The following BCAM variants were observed in gnomAD, a reference collection of about 807,000 sequenced individuals.
BCAM encodes basal cell adhesion molecule (Lutheran blood group), also known as basal cell adhesion molecule.
BCAM carries 61 observed loss-of-function variants against 72.4 expected under a neutral mutation model. The ratio of observed to expected loss-of-function variants is 0.84; its 90% confidence interval spans 0.69 to 1.04. The LOEUF (loss-of-function observed/expected upper bound fraction) is 1.04, where lower values mean the gene tolerates loss of function less well. Ranked by LOEUF, BCAM falls within the 50% of genes least tolerant of loss-of-function variation. BCAM has a pLI of 0.00. For missense variants in BCAM, 909 were observed against 895.0 expected, an observed-to-expected ratio of 1.02 and a Z score of -0.20; for synonymous variants, 408 against 384.2, an observed-to-expected ratio of 1.06 and a Z score of -0.73.
chr19:44,818,729 T>C lies in BCAM; in HGVS notation c.1195-12T>C. 1.2e-6 allele frequency: 2 copies of C among 1,613,850 alleles called. No individual in the cohort carries two copies. The highest frequency in any genetic ancestry group is 1.7e-6 in the Non-Finnish European group (2 of 1,179,876). On this transcript the variant is annotated splice_polypyrimidine_tract_variant and intron_variant, in intron 9 of 14. Coordinates refer to ENST00000270233, the MANE Select transcript of BCAM (RefSeq NM_005581.5). This position sits in a 1 kb window ranked among gnomAD's most constrained non-coding sequence, Gnocchi z 4.6. Reference sequence around the variant, plus strand: ...CTCTCACAGCGTCCTCCTCCTCCTCTGCCCTTCCCAGGACTCCACTCCCCT... The same window carrying C: ...CTCTCACAGCGTCCTCCTCCTCCTCCGCCCTTCCCAGGACTCCACTCCCCT...
rs1193494417 is a variant in BCAM at position 44,818,485 on chromosome 19, C to T, written c.1079-37C>T. ...GGAGAGCCCCTAATTGAGTGGGTGG[C>T]GGTCTGGGACGAGTGACAGACTGTC... On this transcript the variant is annotated intron_variant, in intron 8 of 14. Coordinates refer to ENST00000270233, the MANE Select transcript of BCAM (RefSeq NM_005581.5). This position sits in a 1 kb window ranked among gnomAD's most constrained non-coding sequence, Gnocchi z 4.6. The T allele has an allele frequency of 3.8e-6, 6 of 1,577,344 alleles. No homozygotes were observed. Among genetic ancestry groups the T allele is most frequent in the Non-Finnish European group, 3.5e-6 (4 of 1,150,886 alleles).
rs908621041 is a variant in BCAM, at chr19:44,811,612, C to A, written c.204+266C>A. On this transcript the variant is annotated intron_variant, in intron 2 of 14. Transcript: ENST00000270233. ...AGACATCAAGAAAGCAGAAGCCAGG[C>A]ACGGTGGCTCACGCCTGTAATCCCA... 1.7e-5 allele frequency: 7 copies of A among 423,206 alleles called. No individual in the cohort carries two copies. The Admixed American group carries it at 2.6e-4, about 16-fold the overall frequency. The allele number at this position is 423,206 out of a possible 1,614,324, so 26.2% of individuals were successfully genotyped here. A position where few individuals can be genotyped will look rare whatever the true frequency, so the allele number is the denominator to read the frequency against.
chr19:44,820,651 CCT>C, intron 13 of BCAM, 52 bp from the exon 14 acceptor site: 10 of 1,378,556 alleles, frequency 7.3e-6, no homozygotes, highest in Non-Finnish European at 9.4e-6. Context: ...AGTTCCTCCC[CCT>C]GCCGTGTGCA....
chr19:44,818,800 C>A lies in BCAM; in HGVS notation c.1254C>A (p.Ser418=), dbSNP rs1165798993. ...MLSLSSITFD[S]NGTYVCEASL... is the part of the protein sequence containing the mutation. ...CGCTCAGTTCTATCACCTTCGATTC[C>A]AATGGCACCTACGTATGTGAGGCCT... The change falls in exon 10 of 15, where the codon TCC becomes TCA. Residue 418 remains serine (S), a synonymous_variant. Coordinates refer to ENST00000270233, the MANE Select transcript of BCAM (RefSeq NM_005581.5). The surrounding 1 kb of genome is among the most constrained non-coding windows in gnomAD (Gnocchi z 4.6). 2 of 1,614,022 alleles carry A rather than the reference C, an allele frequency of 1.2e-6. No homozygotes were observed. Among genetic ancestry groups the A allele is most frequent in the African/African-American group, 2.7e-5 (2 of 74,924 alleles).
At position 44,813,548 on chromosome 19, in the gene BCAM, G is replaced by T; in HGVS notation, c.712G>T (p.Ala238Ser). ...KDDRDASFHC[A>S]AHYSLPEGRH... ...TGACCGAGACGCCAGCTTCCACTGCGCCGCCCACTACAGCCTGCCCGAGGG... is the reference window on the plus strand; with the variant it reads ...TGACCGAGACGCCAGCTTCCACTGCTCCGCCCACTACAGCCTGCCCGAGGG... Residue 238 changes from alanine (A) to serine (S), a missense_variant, in exon 6 of 15, where the codon GCC becomes TCC. Coordinates refer to ENST00000270233, the MANE Select transcript of BCAM (RefSeq NM_005581.5). This position sits in a 1 kb window ranked among gnomAD's most constrained non-coding sequence, Gnocchi z 4.2. The T allele has an allele frequency of 6.2e-7, 1 of 1,612,502 alleles. No individual in the cohort carries two copies.
Position 44,813,229 on chromosome 19 carries a change from C to G in BCAM, c.505-21C>G, listed in dbSNP as rs778936782. 12 of 1,612,962 alleles carry G rather than the reference C, an allele frequency of 7.4e-6. No individual in the cohort carries two copies. In the South Asian group the frequency reaches 1.3e-4, roughly 18 times the overall value. On this transcript the variant is annotated intron_variant, in intron 4 of 14. Coordinates refer to ENST00000270233, the MANE Select transcript of BCAM (RefSeq NM_005581.5). This position sits in a 1 kb window ranked among gnomAD's most constrained non-coding sequence, Gnocchi z 4.2. Reference sequence around the variant, plus strand: ...CAGAGTCCCAGCTCCAAGCCCAGGGCCATGCCCGTGTCTGCCTCAGATCGC... The same window carrying G: ...CAGAGTCCCAGCTCCAAGCCCAGGGGCATGCCCGTGTCTGCCTCAGATCGC...
In BCAM at chr19:44,820,701, C is replaced by A. The variant is rs200801658; in HGVS notation, c.1764-4C>A. The stretch of plus-strand genomic sequence containing the variant: ...CGCCTCCGCCCGCTGCCTCCTCCCC[C>A]CAGGCCGCCAGGGGAGCCAGGGCTG... On this transcript the variant is annotated splice_region_variant and splice_polypyrimidine_tract_variant and intron_variant, in intron 13 of 14. Transcript: ENST00000270233. The A allele has an allele frequency of 1.6e-5, 22 of 1,406,788 alleles. No homozygotes were observed. The Admixed American group carries it at 2.1e-4, about 13-fold the overall frequency. The allele number at this position is 1,406,788 out of a possible 1,614,324, so 87.1% of individuals were successfully genotyped here. A position where few individuals can be genotyped will look rare whatever the true frequency, so the allele number is the denominator to read the frequency against.
rs771197024 is a variant in BCAM at position 44,814,553 on chromosome 19, C to T, written c.922-51C>T. 9 of 1,589,426 alleles carry T rather than the reference C, an allele frequency of 5.7e-6. No homozygotes were observed. The highest frequency in any genetic ancestry group is 2.2e-5 in the East Asian group (1 of 44,558). ...GGTGGCTTCTGACCTAGCATGAGCC[C>T]GCTGAACCGGGGTGGCTTCTGAGCC... On this transcript the variant is annotated intron_variant, in intron 7 of 14. Transcript: ENST00000270233. This position sits in a 1 kb window ranked among gnomAD's most constrained non-coding sequence, Gnocchi z 4.6.
At chr19:44,815,671 A>C (rs1455655079) in intron 8 of BCAM, among the ~76,000 whole-genome samples, 1 of 152,150 alleles carries the variant, frequency 6.6e-6, no homozygotes, top group African/African-American at 2.4e-5. Flanking sequence ...GAGGTAAAGG[A>C]AGCAAGATTT....
At position 44,813,560 on chromosome 19, in the gene BCAM, A is replaced by T. The variant is rs1383552029; in HGVS notation, c.724A>T (p.Ser242Cys). Residue 242 changes from serine (S) to cysteine (C), a missense_variant, in exon 6 of 15, where the codon AGC becomes TGC. Coordinates refer to ENST00000270233, the MANE Select transcript of BCAM (RefSeq NM_005581.5). The surrounding 1 kb of genome is among the most constrained non-coding windows in gnomAD (Gnocchi z 4.2). ...DASFHCAAHY[S>C]LPEGRHGRLD... The stretch of plus-strand genomic sequence containing the variant: ...CAGCTTCCACTGCGCCGCCCACTAC[A>T]GCCTGCCCGAGGGCCGCCACGGCCG... 1 of 1,612,562 alleles carries T rather than the reference A, an allele frequency of 6.2e-7. No individual in the cohort carries two copies. Among genetic ancestry groups the T allele is most frequent in the African/African-American group, 1.3e-5 (1 of 75,004 alleles).
At position 44,814,236 on chromosome 19, in the gene BCAM, T is replaced by A; in HGVS notation, c.869T>A (p.Leu290His). 1 of 1,589,096 alleles carries A rather than the reference T, an allele frequency of 6.3e-7. No individual in the cohort carries two copies. Among genetic ancestry groups the A allele is most frequent in the Non-Finnish European group, 8.5e-7 (1 of 1,173,734 alleles). Residue 290 changes from leucine to histidine, a missense_variant, in exon 7 of 15, where the codon CTC (leucine) becomes CAC (histidine). By Grantham distance (99) the Leu-to-His change is moderately conservative. Coordinates refer to ENST00000270233, the MANE Select transcript of BCAM (RefSeq NM_005581.5). This position sits in a 1 kb window ranked among gnomAD's most constrained non-coding sequence, Gnocchi z 4.6. ...CGCGAGGGTGACACTGTCCAGCTGC[T>A]CTGCCGGGGGGACGGCAGCCCCAGC... ...WVREGDTVQL[L>H]CRGDGSPSPE...
rs773377986 is a variant in BCAM, at chr19:44,819,420, C to A, written c.1548C>A (p.Ser516Arg). 6.2e-7 allele frequency: 1 copy of A among 1,614,108 alleles called. No individual in the cohort carries two copies. The highest frequency in any genetic ancestry group is 1.1e-5 in the South Asian group (1 of 91,088). ...SLTLKVTSAL[S>R]RDGISCEASN... is the part of the protein sequence containing the mutation. ...CCCTGAAAGTGACCAGCGCCCTGAG[C>A]CGCGATGGCATCTCCTGTGAAGCCT... Residue 516 changes from serine (S) to arginine (R), a missense_variant, in exon 12 of 15, where the codon AGC (serine) becomes AGA (arginine). Coordinates refer to ENST00000270233, the MANE Select transcript of BCAM (RefSeq NM_005581.5).
At chr19:44,817,093 T>A (rs189713548) in intron 8 of BCAM, among the ~76,000 whole-genome samples, 1 of 151,140 alleles carries the variant, frequency 6.6e-6, no homozygotes, top group Non-Finnish European at 1.5e-5. Flanking sequence ...AAAAATTAGC[T>A]GGGCGTGGTG....
rs1568574508 is a variant in BCAM, at chr19:44,819,162, C to T, written c.1443C>T (p.Pro481=). The T allele has an allele frequency of 1.9e-6, 3 of 1,613,996 alleles. No homozygotes were observed. The African/African-American group carries it at 4.0e-5, about 22-fold the overall frequency. The change falls in exon 11 of 15, where the codon CCC becomes CCT. Residue 481 remains proline (P), a synonymous_variant. Transcript: ENST00000270233. ...LICSARGHPD[P]KLSWSQLGGS... is the part of the protein sequence containing the mutation. ...GCTCTGCCCGCGGCCATCCAGACCC[C>T]AAACTCAGCTGGAGCCAATTGGGGG...
chr19:44,809,314 AC>A, intron 1 of BCAM, 108 bp downstream of exon 1: 1 of 959,936 alleles, frequency 1.0e-6, no homozygotes. Context: ...AAATGTGGGG[AC>A]CCCAAGGAGG....
Position 44,819,432 on chromosome 19 carries a change from C to T in BCAM, c.1560C>T (p.Ile520=). The part of the protein sequence containing the change: ...KVTSALSRDG[I]SCEASNPHGN... ...CCAGCGCCCTGAGCCGCGATGGCATCTCCTGTGAAGCCTCCAACCCCCACG... is the reference window on the plus strand; with the variant it reads ...CCAGCGCCCTGAGCCGCGATGGCATTTCCTGTGAAGCCTCCAACCCCCACG... Residue 520 remains isoleucine, a synonymous_variant, in exon 12 of 15, where the codon ATC becomes ATT. Transcript: ENST00000270233. 6.2e-7 allele frequency: 1 copy of T among 1,614,106 alleles called. No individual in the cohort carries two copies. The highest frequency in any genetic ancestry group is 8.5e-7 in the Non-Finnish European group (1 of 1,179,964).
At position 44,813,377 on chromosome 19, in the gene BCAM, G is replaced by A; in HGVS notation, c.601+31G>A. 1 of 1,610,596 alleles carries A rather than the reference G, an allele frequency of 6.2e-7. No homozygotes were observed. Among genetic ancestry groups the A allele is most frequent in the Non-Finnish European group, 8.5e-7 (1 of 1,178,100 alleles). The stretch of plus-strand genomic sequence containing the variant: ...CAGCGCAGGAGCGCGGCGGGACGTG[G>A]GCTGGGGTGGGTGGCGGGGCTATGG... On this transcript the variant is annotated intron_variant, in intron 5 of 14. Coordinates refer to ENST00000270233, the MANE Select transcript of BCAM (RefSeq NM_005581.5). The surrounding 1 kb of genome is among the most constrained non-coding windows in gnomAD (Gnocchi z 4.2).
At chr19:44,811,773 T>C (rs1250524733) in intron 2 of BCAM, 9 of 326,432 alleles carry the variant, frequency 2.8e-5, no homozygotes, top group Non-Finnish European at 5.1e-5. Context: ...TAATCCCAGC[T>C]ACTCAGGAGG....
upstream of BCAM, chr19:44,809,098 G>T (rs919472265): frequency 5.0e-6 from 7 of 1,405,778 alleles, no homozygotes; most frequent in East Asian, 6.2e-5. Context: ...CTGCAGCCCG[G>T]GCTCAGTCTC....
Sources: gnomAD v4.1 joint callset for allele counts (sites outside exome capture counted in the v4.1 genomes callset) on GRCh38, gnomAD v4.1.1 for gene constraint, Gnocchi (gnomAD v3.1) non-coding constraint, MANE v1.5 for transcripts, NCBI Gene and HGNC (gene_info 2026-07-23, HGNC 2026-07-21) for gene names.